Variants in LYNX1 observed in about 807,000 individuals in gnomAD.
The protein encoded by LYNX1 is Ly6/neurotoxin 1, also known as ly-6/neurotoxin-like protein 1.
LYNX1 carries 8 observed loss-of-function variants against 8.3 expected under a neutral mutation model. That is an observed-to-expected ratio of 0.97 (90% CI 0.57 to 1.74). LYNX1 has a LOEUF of 1.74. Ranked by LOEUF, LYNX1 falls within the 40% of genes most tolerant of loss-of-function variation. The pLI is 0.00. For missense variants in LYNX1, 158 were observed against 159.7 expected (o/e 0.99, Z 0.06); for synonymous variants, 73 against 67.9 (o/e 1.08, Z -0.37).
Position 142,772,366 on chromosome 8 carries a change from T to TA in LYNX1, c.*2800dup, listed in dbSNP as rs993038900. ...CACCCAGAGGCAGCGCTGGAGGCCT[T>TA]ACTCTACCACTCAGGGCTTCTCAAA... On this transcript the variant is annotated 3_prime_UTR_variant, in exon 4 of 4. Coordinates refer to ENST00000652477, the MANE Select transcript of LYNX1 (RefSeq NM_177477.4). The TA allele has an allele frequency of 5.1e-6, 5 of 985,428 alleles. No individual in the cohort carries two copies. The highest frequency in any genetic ancestry group is 4.7e-5 in the South Asian group (1 of 21,294). The allele number at this position is 985,428 out of a possible 1,614,324, so 61.0% of individuals were successfully genotyped here.
chr8:142,773,369 G>T lies in LYNX1; in HGVS notation c.*1798C>A, dbSNP rs1815261415. The stretch of plus-strand genomic sequence containing the variant: ...ACAACCACTGGGGGTAGGGGCGAGG[G>T]GAGTCCAGGCCCACCCTGTGCTGGC... On this transcript the variant is annotated 3_prime_UTR_variant, in exon 4 of 4. Transcript: ENST00000652477. 1 of 985,922 alleles carries T rather than the reference G, an allele frequency of 1.0e-6. No homozygotes were observed. The highest frequency in any genetic ancestry group is 1.2e-6 in the Non-Finnish European group (1 of 830,330). 61.1% of individuals were successfully genotyped at this position (985,922 alleles called of 1,614,324 possible).
In LYNX1 at chr8:142,771,540, T is replaced by G; in HGVS notation, c.*3627A>C. On this transcript the variant is annotated 3_prime_UTR_variant, in exon 4 of 4. Coordinates refer to ENST00000652477, the MANE Select transcript of LYNX1 (RefSeq NM_177477.4). The stretch of plus-strand genomic sequence containing the variant: ...TCCACCCTTCTGTCTGGGAGGCTCC[T>G]TAAGGCTGGGGAGGGCCCAGAGGGA... 1.0e-6 allele frequency: 1 copy of G among 985,310 alleles called. No individual in the cohort carries two copies. The highest frequency in any genetic ancestry group is 1.2e-6 in the Non-Finnish European group (1 of 829,916). 61.0% of individuals were successfully genotyped at this position (985,310 alleles called of 1,614,324 possible).
At position 142,773,103 on chromosome 8, in the gene LYNX1, T is replaced by C. The variant is rs1279144686; in HGVS notation, c.*2064A>G. 3 of 985,258 alleles carry C rather than the reference T, an allele frequency of 3.0e-6. No homozygotes were observed. The highest frequency in any genetic ancestry group is 1.7e-5 in the African/African-American group (1 of 57,202). The allele number at this position is 985,258 out of a possible 1,614,324, so 61.0% of individuals were successfully genotyped here. A position where few individuals can be genotyped will look rare whatever the true frequency, so the allele number is the denominator to read the frequency against. The stretch of plus-strand genomic sequence containing the variant: ...CTGAGGAAGCCACCCAACCCGACAA[T>C]GGGCTTGCGCAAGCCGCGCAGTGAC... On this transcript the variant is annotated 3_prime_UTR_variant, in exon 4 of 4. Coordinates refer to ENST00000652477, the MANE Select transcript of LYNX1 (RefSeq NM_177477.4).
Position 142,775,330 on chromosome 8 carries a change from G to A in LYNX1, c.188C>T (p.Ser63Phe), listed in dbSNP as rs867535838. The change falls in exon 4 of 4, where the codon TCC becomes TTC. Residue 63 changes from serine to phenylalanine, a missense_variant. Ser to Phe is a radical substitution (Grantham distance 155). Transcript: ENST00000652477. ...YTPTRMKVSK[S>F]CVPRCFETVY... Reference sequence around the variant, plus strand: ...AGTCTCGAAGCAGCGGGGCACGCAGGACTTACTGACCTTCATCCTGGTGGG... The same window carrying A: ...AGTCTCGAAGCAGCGGGGCACGCAGAACTTACTGACCTTCATCCTGGTGGG... 1 of 1,613,902 alleles carries A rather than the reference G, an allele frequency of 6.2e-7. No homozygotes were observed. Among genetic ancestry groups the A allele is most frequent in the East Asian group, 2.2e-5 (1 of 44,868 alleles).
chr8:142,772,460 G>A lies in LYNX1; in HGVS notation c.*2707C>T. 2.0e-6 allele frequency: 2 copies of A among 985,494 alleles called. No homozygotes were observed. Among genetic ancestry groups the A allele is most frequent in the Non-Finnish European group, 2.4e-6 (2 of 829,964 alleles). 61.0% of individuals were successfully genotyped at this position (985,494 alleles called of 1,614,324 possible). A position where few individuals can be genotyped will look rare whatever the true frequency, so the allele number is the denominator to read the frequency against. On this transcript the variant is annotated 3_prime_UTR_variant, in exon 4 of 4. Coordinates refer to ENST00000652477, the MANE Select transcript of LYNX1 (RefSeq NM_177477.4). ...ACTCACCTCCCCCTTCCCAGGCTTGGGGGTCCAAGGAACCCCAGCTGGTGG... is the reference window on the plus strand; with the variant it reads ...ACTCACCTCCCCCTTCCCAGGCTTGAGGGTCCAAGGAACCCCAGCTGGTGG...
Position 142,774,377 on chromosome 8 carries a change from A to G in LYNX1, c.*790T>C, listed in dbSNP as rs940901232. On this transcript the variant is annotated 3_prime_UTR_variant, in exon 4 of 4. Coordinates refer to ENST00000652477, the MANE Select transcript of LYNX1 (RefSeq NM_177477.4). ...GCCCCTTTCCCTCCCTGCCCAGAAT[A>G]GCGCTGGCCGGGTCAGCGTCCAGGA... is the stretch of plus-strand genomic sequence containing the variant. The G allele has an allele frequency of 1.6e-5, 16 of 985,572 alleles. No homozygotes were observed. The highest frequency in any genetic ancestry group is 2.4e-6 in the Non-Finnish European group (2 of 830,052). 61.1% of individuals were successfully genotyped at this position (985,572 alleles called of 1,614,324 possible).
In LYNX1 at chr8:142,773,336, C is replaced by T. The variant is rs1298649142; in HGVS notation, c.*1831G>A. On this transcript the variant is annotated 3_prime_UTR_variant, in exon 4 of 4. Coordinates refer to ENST00000652477, the MANE Select transcript of LYNX1 (RefSeq NM_177477.4). The stretch of plus-strand genomic sequence containing the variant: ...CCGGTCCTGCTCTCCAGGCTTAGGG[C>T]TACAGCCACAACCACTGGGGGTAGG... The T allele has an allele frequency of 2.0e-6, 2 of 985,526 alleles. No individual in the cohort carries two copies. Among genetic ancestry groups the T allele is most frequent in the African/African-American group, 1.7e-5 (1 of 57,242 alleles). The allele number at this position is 985,526 out of a possible 1,614,324, so 61.0% of individuals were successfully genotyped here. A position where few individuals can be genotyped will look rare whatever the true frequency, so the allele number is the denominator to read the frequency against.
intron 3 of LYNX1, 24 bp from the exon 4 acceptor site, chr8:142,775,387 C>T (rs1396353369): frequency 2.5e-6 from 4 of 1,609,014 alleles, no homozygotes; most frequent in Non-Finnish European, 3.4e-6. Flanking sequence ...GGGCGGTGAG[C>T]CAGCTCCGCT....
Position 142,771,624 on chromosome 8 carries a change from G to A in LYNX1, c.*3543C>T. The A allele has an allele frequency of 1.0e-6, 1 of 985,798 alleles. No homozygotes were observed. Among genetic ancestry groups the A allele is most frequent in the South Asian group, 4.7e-5 (1 of 21,286 alleles). 61.1% of individuals were successfully genotyped at this position (985,798 alleles called of 1,614,324 possible). ...TCCCTGCGAGCTGAGGTTTGAAGAGGAGAGCAGACCACCCAGAGTAGTGGG... is the reference window on the plus strand; with the variant it reads ...TCCCTGCGAGCTGAGGTTTGAAGAGAAGAGCAGACCACCCAGAGTAGTGGG... On this transcript the variant is annotated 3_prime_UTR_variant, in exon 4 of 4. Coordinates refer to ENST00000652477, the MANE Select transcript of LYNX1 (RefSeq NM_177477.4).
Position 142,773,762 on chromosome 8 carries a change from G to A in LYNX1, c.*1405C>T. 1 of 985,388 alleles carries A rather than the reference G, an allele frequency of 1.0e-6. No individual in the cohort carries two copies. Among genetic ancestry groups the A allele is most frequent in the Non-Finnish European group, 1.2e-6 (1 of 829,930 alleles). 61.0% of individuals were successfully genotyped at this position (985,388 alleles called of 1,614,324 possible). A position where few individuals can be genotyped will look rare whatever the true frequency, so the allele number is the denominator to read the frequency against. ...CCCCTGACCAGGGCCATACTTTGGG[G>A]CCGGGACAATCCTACCACATGGATA... On this transcript the variant is annotated 3_prime_UTR_variant, in exon 4 of 4. Coordinates refer to ENST00000652477, the MANE Select transcript of LYNX1 (RefSeq NM_177477.4).
rs79686521 is a variant in LYNX1 at position 142,771,204 on chromosome 8, C to G, written c.*3963G>C. 14 of 985,318 alleles carry G rather than the reference C, an allele frequency of 1.4e-5. No homozygotes were observed. Among genetic ancestry groups the G allele is most frequent in the East Asian group, 1.1e-4 (1 of 8,822 alleles). The allele number at this position is 985,318 out of a possible 1,614,324, so 61.0% of individuals were successfully genotyped here. A position where few individuals can be genotyped will look rare whatever the true frequency, so the allele number is the denominator to read the frequency against. ...GGGCTGGAGAGAAGCGCAGACAATG[C>G]GAATCTGTTGATTTATTTACGGCTC... On this transcript the variant is annotated 3_prime_UTR_variant, in exon 4 of 4. Transcript: ENST00000652477.
rs1354040060 is a variant in LYNX1, at chr8:142,773,766, G to C, written c.*1401C>G. ...TGACCAGGGCCATACTTTGGGGCCGGGACAATCCTACCACATGGATATGTC... is the reference window on the plus strand; with the variant it reads ...TGACCAGGGCCATACTTTGGGGCCGCGACAATCCTACCACATGGATATGTC... On this transcript the variant is annotated 3_prime_UTR_variant, in exon 4 of 4. Coordinates refer to ENST00000652477, the MANE Select transcript of LYNX1 (RefSeq NM_177477.4). The C allele has an allele frequency of 1.0e-6, 1 of 985,208 alleles. No homozygotes were observed. Among genetic ancestry groups the C allele is most frequent in the East Asian group, 1.1e-4 (1 of 8,794 alleles). The allele number at this position is 985,208 out of a possible 1,614,324, so 61.0% of individuals were successfully genotyped here.
chr8:142,774,449 G>C lies in LYNX1; in HGVS notation c.*718C>G. 1 of 985,828 alleles carries C rather than the reference G, an allele frequency of 1.0e-6. No individual in the cohort carries two copies. Among genetic ancestry groups the C allele is most frequent in the Non-Finnish European group, 1.2e-6 (1 of 830,150 alleles). 61.1% of individuals were successfully genotyped at this position (985,828 alleles called of 1,614,324 possible). A position where few individuals can be genotyped will look rare whatever the true frequency, so the allele number is the denominator to read the frequency against. On this transcript the variant is annotated 3_prime_UTR_variant, in exon 4 of 4. Coordinates refer to ENST00000652477, the MANE Select transcript of LYNX1 (RefSeq NM_177477.4). ...CTAGCTCCTGCCAGCTTCAGGCCTG[G>C]TGCCCTCCCCGTGAGGGGGTGGGAA... is the stretch of plus-strand genomic sequence containing the variant.
In LYNX1 at chr8:142,772,451, C is replaced by T. The variant is rs1378283082; in HGVS notation, c.*2716G>A. The T allele has an allele frequency of 4.1e-6, 4 of 985,540 alleles. No homozygotes were observed. The highest frequency in any genetic ancestry group is 4.8e-6 in the Non-Finnish European group (4 of 829,988). The allele number at this position is 985,540 out of a possible 1,614,324, so 61.0% of individuals were successfully genotyped here. A position where few individuals can be genotyped will look rare whatever the true frequency, so the allele number is the denominator to read the frequency against. ...ATTTTGTAAACTCACCTCCCCCTTC[C>T]CAGGCTTGGGGGTCCAAGGAACCCC... On this transcript the variant is annotated 3_prime_UTR_variant, in exon 4 of 4. Transcript: ENST00000652477.
At chr8:142,777,861 T>A, upstream of LYNX1, 4 of 398,732 alleles carry the variant, frequency 1.0e-5, no homozygotes, top group Non-Finnish European at 1.8e-5. Context: ...GCGTCGTTTG[T>A]CGGCCGGCAC....
In LYNX1 at chr8:142,773,751, C is replaced by T; in HGVS notation, c.*1416G>A. ...CAGCAGGGGCTCCCCTGACCAGGGC[C>T]ATACTTTGGGGCCGGGACAATCCTA... is the stretch of plus-strand genomic sequence containing the variant. On this transcript the variant is annotated 3_prime_UTR_variant, in exon 4 of 4. Coordinates refer to ENST00000652477, the MANE Select transcript of LYNX1 (RefSeq NM_177477.4). The T allele has an allele frequency of 1.0e-6, 1 of 985,346 alleles. No individual in the cohort carries two copies. The highest frequency in any genetic ancestry group is 1.2e-6 in the Non-Finnish European group (1 of 829,908). The allele number at this position is 985,346 out of a possible 1,614,324, so 61.0% of individuals were successfully genotyped here. A position where few individuals can be genotyped will look rare whatever the true frequency, so the allele number is the denominator to read the frequency against.
Position 142,775,183 on chromosome 8 carries a change from A to G in LYNX1, c.335T>C (p.Leu112Pro). The part of the protein sequence containing the change: ...LALAPILLAT[L>P]WGLL ...TCGGGGGCTTTAGAGGAGACCCCAG[A>G]GGGTGGCCAGGAGGATGGGGGCCAG... Residue 112 changes from leucine to proline, a missense_variant, in exon 4 of 4, where the codon CTC becomes CCC. Physicochemically the swap from Leu to Pro is moderately conservative, Grantham distance 98 (BLOSUM62 -3). Coordinates refer to ENST00000652477, the MANE Select transcript of LYNX1 (RefSeq NM_177477.4). The G allele has an allele frequency of 2.5e-6, 4 of 1,611,838 alleles. No individual in the cohort carries two copies. The highest frequency in any genetic ancestry group is 3.4e-6 in the Non-Finnish European group (4 of 1,179,256).
chr8:142,773,431 C>G lies in LYNX1; in HGVS notation c.*1736G>C. On this transcript the variant is annotated 3_prime_UTR_variant, in exon 4 of 4. Coordinates refer to ENST00000652477, the MANE Select transcript of LYNX1 (RefSeq NM_177477.4). ...CCCAGCTCTGGGCCCAGTATGATGC[C>G]CATCTTCCCTCTGGGGAGTCACGTT... The G allele has an allele frequency of 3.0e-6, 3 of 985,586 alleles. No homozygotes were observed. Among genetic ancestry groups the G allele is most frequent in the Non-Finnish European group, 3.6e-6 (3 of 830,072 alleles). The allele number at this position is 985,586 out of a possible 1,614,324, so 61.1% of individuals were successfully genotyped here. A position where few individuals can be genotyped will look rare whatever the true frequency, so the allele number is the denominator to read the frequency against.
In LYNX1 at chr8:142,774,146, C is replaced by CCCGGGG; in HGVS notation, c.*1020_*1021insCCCCGG. On this transcript the variant is annotated 3_prime_UTR_variant, in exon 4 of 4. Coordinates refer to ENST00000652477, the MANE Select transcript of LYNX1 (RefSeq NM_177477.4). ...CTGCGGGGGAGGGGCTGGGTCTCCG[C>CCCGGGG]CCTCCCCACCCCACCCTCCCCACTC... The CCCGGGG allele has an allele frequency of 6.1e-6, 6 of 979,506 alleles. No individual in the cohort carries two copies. The highest frequency in any genetic ancestry group is 7.3e-6 in the Non-Finnish European group (6 of 825,624). 60.7% of individuals were successfully genotyped at this position (979,506 alleles called of 1,614,324 possible). A position where few individuals can be genotyped will look rare whatever the true frequency, so the allele number is the denominator to read the frequency against.
Sources: gnomAD v4.1 joint callset for allele counts on GRCh38, gnomAD v4.1.1 for gene constraint, MANE v1.5 for transcripts, NCBI Gene and HGNC (gene_info 2026-07-23, HGNC 2026-07-21) for gene names.